Variants in FILIP1L observed in about 807,000 individuals in gnomAD.
The protein encoded by FILIP1L is filamin A interacting protein 1 like.
A neutral mutation model predicts 96.6 loss-of-function variants in FILIP1L; 55 were observed. That is an observed-to-expected ratio of 0.57 (90% CI 0.46 to 0.71). FILIP1L has a LOEUF of 0.71. Among genes scored for constraint, FILIP1L ranks in the 30% least tolerant of loss-of-function variants. The probability of loss-of-function intolerance (pLI) is 0.00; values close to 1 mark genes in which losing one functional copy is unlikely to be tolerated. For missense variants in FILIP1L, 1,304 were observed against 1,321.2 expected (o/e 0.99, Z 0.20); for synonymous variants, 467 against 473.9 (o/e 0.99, Z 0.19).
At chr3:99,889,034 A>G (rs1267465712) in intron 4 of FILIP1L, among the ~76,000 whole-genome samples, 1 of 152,156 alleles carries the variant, frequency 6.6e-6, no homozygotes, top group African/African-American at 2.4e-5. Flanking sequence ...TGGCCTCACT[A>G]CATGGTTACT....
intron 1 of FILIP1L, among the ~76,000 whole-genome samples, chr3:100,109,580 C>A (rs575304620): frequency 6.6e-6 from 1 of 152,154 alleles, no homozygotes; most frequent in African/African-American, 2.4e-5. Flanking sequence ...TGAACTCATT[C>A]AGGATGCAGC....
chr3:100,044,831 G>A (rs1046728911), intron 1 of FILIP1L, among the ~76,000 whole-genome samples: 1 of 152,248 alleles, frequency 6.6e-6, no homozygotes, highest in Non-Finnish European at 1.5e-5. Flanking sequence ...AGTCAATGGA[G>A]TGGTTAATGG....
chr3:99,914,175 A>G (rs1230779953), intron 4 of FILIP1L, among the ~76,000 whole-genome samples: 2 of 152,318 alleles, frequency 1.3e-5, no homozygotes, highest in African/African-American at 2.4e-5. Context: ...GTTGCCAAAT[A>G]TGTCATGTGG....
intron 5 of FILIP1L, among the ~76,000 whole-genome samples, chr3:99,845,525 G>A (rs1045783630): frequency 2.6e-5 from 4 of 152,100 alleles, no homozygotes; most frequent in African/African-American, 9.7e-5. Flanking sequence ...AGATTTTCCA[G>A]TGTCACTTCC....
At chr3:100,110,577 C>A (rs146110019) in intron 1 of FILIP1L, among the ~76,000 whole-genome samples, 1 of 151,884 alleles carries the variant, frequency 6.6e-6, no homozygotes, top group African/African-American at 2.4e-5. Flanking sequence ...CCAGGAAGAA[C>A]GTAAAAAAAG....
At chr3:100,109,295 A>G (rs1023756633) in intron 1 of FILIP1L, among the ~76,000 whole-genome samples, 1 of 152,138 alleles carries the variant, frequency 6.6e-6, no homozygotes, top group Non-Finnish European at 1.5e-5. Flanking sequence ...TGAAGTTTGA[A>G]GTGGGATTCT....
intron 1 of FILIP1L, among the ~76,000 whole-genome samples, chr3:99,985,878 C>T (rs1038659931): frequency 3.9e-5 from 6 of 152,068 alleles, no homozygotes; most frequent in South Asian, 2.1e-4. Flanking sequence ...CGTGAGCCAC[C>T]GCACCGGGCC....
At chr3:100,005,134 A>G (rs1382038361) in intron 1 of FILIP1L, among the ~76,000 whole-genome samples, 3 of 152,210 alleles carry the variant, frequency 2.0e-5, no homozygotes, top group African/African-American at 4.8e-5. Flanking sequence ...ACCAAACCTT[A>G]TCTTACTCAA....
chr3:99,910,485 C>T (rs1285359724), intron 4 of FILIP1L, among the ~76,000 whole-genome samples: 4 of 136,446 alleles, frequency 2.9e-5, no homozygotes, highest in African/African-American at 1.0e-4. Flanking sequence ...TAAACAAACA[C>T]ATGTCTTCAC....
intron 1 of FILIP1L, among the ~76,000 whole-genome samples, chr3:100,014,552 T>C (rs1008446828): frequency 6.6e-6 from 1 of 152,150 alleles, no homozygotes; most frequent in Admixed American, 6.5e-5. Context: ...TGAGGTGATA[T>C]CTTATTGTGG....
At chr3:99,896,322 G>T (rs2107620334) in intron 4 of FILIP1L, among the ~76,000 whole-genome samples, 1 of 152,336 alleles carries the variant, frequency 6.6e-6, no homozygotes, top group South Asian at 2.1e-4. Flanking sequence ...AAAATTTGTT[G>T]CCCTAATGTT....
chr3:99,850,961 CA>C lies in FILIP1L; in HGVS notation c.714del (p.Phe238LeufsTer3). The C allele has an allele frequency of 6.2e-7, 1 of 1,614,160 alleles. No individual in the cohort carries two copies. The highest frequency in any genetic ancestry group is 8.5e-7 in the Non-Finnish European group (1 of 1,180,010). ...TGCTGTTCATCCACCACCATCAAAG[CA>C]AAAGACTTCAGCTTGGTCAGCTCCT... ...LKEELTKLKSFALMVVDEQQR... is the reference protein window; with the variant it reads ...LKEELTKLKSXALMVVDEQQR... On this transcript the variant is annotated frameshift_variant, in exon 5 of 6. Coordinates refer to ENST00000477258, the MANE Select transcript of FILIP1L (RefSeq NM_001387850.1). LOFTEE classifies it high-confidence loss of function.
intron 1 of FILIP1L, among the ~76,000 whole-genome samples, chr3:100,038,200 G>A (rs1165931296): frequency 6.6e-6 from 1 of 152,048 alleles, no homozygotes; most frequent in Non-Finnish European, 1.5e-5. Context: ...AGGTGATCCA[G>A]CTGCCCTGGC....
At chr3:100,095,401 A>G (rs545138541) in intron 1 of FILIP1L, among the ~76,000 whole-genome samples, 11 of 152,336 alleles carry the variant, frequency 7.2e-5, no homozygotes, top group African/African-American at 2.6e-4. Context: ...AACCAACTAC[A>G]TATCAAGAAT....
At chr3:99,879,472 C>G (rs1200605196) in intron 4 of FILIP1L, among the ~76,000 whole-genome samples, 1 of 152,210 alleles carries the variant, frequency 6.6e-6, no homozygotes, top group Admixed American at 6.5e-5. Flanking sequence ...CTAATCACAT[C>G]AAGCCAGTTC....
intron 1 of FILIP1L, among the ~76,000 whole-genome samples, chr3:100,017,651 G>T (rs1052939370): frequency 1.1e-4 from 16 of 152,210 alleles, no homozygotes; most frequent in African/African-American, 3.9e-4. Context: ...TGAGCCAGAT[G>T]TGGTGGCATG....
At position 99,929,939 on chromosome 3, in the gene FILIP1L, C is replaced by T; in HGVS notation, c.343G>A (p.Val115Met). ...AQYGFVTPKKVLEALQRDAFQ... is the reference protein window; with the variant it reads ...AQYGFVTPKKMLEALQRDAFQ... ...GCATCTCTCTGGAGAGCCTCTAACA[C>T]CTTTTTTGGAGTGACAAACCCATAC... Residue 115 changes from valine to methionine, a missense_variant, in exon 3 of 6, where the codon GTG becomes ATG. Val to Met is a conservative substitution (Grantham distance 21). Coordinates refer to ENST00000477258, the MANE Select transcript of FILIP1L (RefSeq NM_001387850.1). 6.2e-7 allele frequency: 1 copy of T among 1,614,124 alleles called. No individual in the cohort carries two copies. Among genetic ancestry groups the T allele is most frequent in the Non-Finnish European group, 8.5e-7 (1 of 1,180,002 alleles).
Position 99,849,618 on chromosome 3 carries a change from C to G in FILIP1L, c.2058G>C (p.Lys686Asn). 1 of 1,613,402 alleles carries G rather than the reference C, an allele frequency of 6.2e-7. No individual in the cohort carries two copies. Among genetic ancestry groups the G allele is most frequent in the Non-Finnish European group, 8.5e-7 (1 of 1,179,966 alleles). The change falls in exon 5 of 6, where the codon AAG becomes AAC. Residue 686 changes from lysine to asparagine, a missense_variant. Coordinates refer to ENST00000477258, the MANE Select transcript of FILIP1L (RefSeq NM_001387850.1). ...TCTCTGTCTTTTCTGCTAACTTGTA[C>G]TTAGCAAGTTCCATTTTAACATGTT... The part of the protein sequence containing the change: ...ELEHVKMELA[K>N]YKLAEKTETS...
chr3:100,065,241 A>G (rs2065643964), intron 1 of FILIP1L, among the ~76,000 whole-genome samples: 2 of 152,154 alleles, frequency 1.3e-5, no homozygotes, highest in African/African-American at 4.8e-5. Flanking sequence ...TCTGTGTTTT[A>G]ATTAGCTCCT....
Sources: allele counts gnomAD v4.1 joint callset (sites outside exome capture counted in the v4.1 genomes callset), GRCh38; gene constraint gnomAD v4.1.1; transcripts MANE v1.5; gene names NCBI Gene and HGNC (gene_info 2026-07-23, HGNC 2026-07-21).